ZBTB46: variants seen among roughly 807,000 people sequenced by gnomAD.
The protein encoded by ZBTB46 is zinc finger and BTB domain containing 46.
A neutral mutation model predicts 44.1 loss-of-function variants in ZBTB46; 8 were observed. The ratio of observed to expected loss-of-function variants is 0.18; its 90% confidence interval spans 0.11 to 0.33. The LOEUF is 0.33. ZBTB46 is among the 10% of genes least tolerant of loss of function. The pLI, the probability that ZBTB46 is intolerant of heterozygous loss-of-function variation, is 1.00. For synonymous variants in ZBTB46, 409 were observed against 382.3 expected (o/e 1.07, Z -0.81); for missense variants, 651 against 847.7 (o/e 0.77, Z 2.88).
At position 63,798,904 on chromosome 20, in the gene ZBTB46, C is replaced by T. The variant is rs182965683; in HGVS notation, c.-33-8114G>A. Among the ~76,000 whole-genome samples, 5 of 151,848 alleles carry T rather than the reference C, an allele frequency of 3.3e-5. No homozygotes were observed. In the East Asian group the frequency reaches 9.7e-4, roughly 29 times the overall value. ...ACCATTTTAAAGTGGAAGCAAGATA[C>T]CCTTGGCTCTAGAATCAAACTGCCA... On this transcript the variant is annotated intron_variant, in intron 1 of 4. Transcript: ENST00000245663.
intron 1 of ZBTB46, among the ~76,000 whole-genome samples, chr20:63,830,150 C>A (rs192859067): frequency 1.3e-5 from 2 of 152,320 alleles, no homozygotes; most frequent in Admixed American, 6.5e-5. Context: ...CTGGTCTGTA[C>A]CCTGGCTCCT....
chr20:63,802,059 C>G (rs1272435173), intron 1 of ZBTB46, among the ~76,000 whole-genome samples: 1 of 152,132 alleles, frequency 6.6e-6, no homozygotes, highest in African/African-American at 2.4e-5. Flanking sequence ...CATGTTGAAG[C>G]CCTAACCCCT....
At chr20:63,823,219 A>C (rs921053554) in intron 1 of ZBTB46, among the ~76,000 whole-genome samples, 1 of 151,896 alleles carries the variant, frequency 6.6e-6, no homozygotes, top group Non-Finnish European at 1.5e-5. Context: ...GGCCAGGCAC[A>C]GTGGCTCACT....
chr20:63,816,773 G>A (rs751860), intron 1 of ZBTB46, among the ~76,000 whole-genome samples: 27,262 of 152,026 alleles, frequency 0.18, 2,969 homozygotes, highest in East Asian at 0.45. Flanking sequence ...GGATTAGGGC[G>A]GGCCCTCACC....
At chr20:63,762,646 C>T (rs1031523600) in intron 3 of ZBTB46, among the ~76,000 whole-genome samples, 2 of 147,402 alleles carry the variant, frequency 1.4e-5, no homozygotes, top group African/African-American at 5.1e-5. Context: ...AGTGAGACTT[C>T]TCTCAAAAAA....
At chr20:63,749,520 T>G (rs868248675) in intron 4 of ZBTB46, among the ~76,000 whole-genome samples, 1 of 152,094 alleles carries the variant, frequency 6.6e-6, no homozygotes, top group Non-Finnish European at 1.5e-5. Context: ...GTATTTTTAG[T>G]AGAGACGGGG....
chr20:63,785,089 G>A (rs4425138), intron 2 of ZBTB46, among the ~76,000 whole-genome samples: 36,481 of 151,376 alleles, frequency 0.24, 4,475 homozygotes, highest in Middle Eastern at 0.37. Context: ...AAAATTAGCC[G>A]GGCGTGGTGG....
intron 3 of ZBTB46, among the ~76,000 whole-genome samples, chr20:63,759,258 T>C (rs143206591): frequency 1.0e-4 from 14 of 137,050 alleles, no homozygotes; most frequent in East Asian, 7.7e-4. Context: ...GTTTCGTACA[T>C]TGGCTGTATA....
rs149794835 is a variant in ZBTB46 at position 63,801,876 on chromosome 20, G to A, written c.-33-11086C>T. On this transcript the variant is annotated intron_variant, in intron 1 of 4. Transcript: ENST00000245663. ...CACCGGCAGCTCCACCCAAGAGTTC[G>A]AGCTCATCAGATTATGCTCGTTAAA... Among the ~76,000 whole-genome samples the A allele has an allele frequency of 9.2e-3, 1,402 of 152,302 alleles. 15 individuals are homozygous for A. The highest frequency in any genetic ancestry group is 0.016 in the Non-Finnish European group (1,080 of 68,032).
intron 1 of ZBTB46, among the ~76,000 whole-genome samples, chr20:63,821,328 T>G (rs748538839): frequency 6.6e-6 from 1 of 150,952 alleles, no homozygotes; most frequent in Admixed American, 6.6e-5. Flanking sequence ...CTATTATTAT[T>G]TTTTATTTTA....
At chr20:63,808,143 C>G (rs894725789) in intron 1 of ZBTB46, 2 of 153,076 alleles carry the variant, frequency 1.3e-5, no homozygotes, top group African/African-American at 4.8e-5. Context: ...GAGGAAACCC[C>G]GCGGACAGCG....
rs2092421365 is a variant in ZBTB46, at chr20:63,775,858, A to T, written c.1042T>A (p.Tyr348Asn). ...TCTGGGGTGAGGGGAGGGCCCAGAT[A>T]GCTGGCTTCTCCTCCCAGGAGACCC... Reference protein sequence around the residue: ...EEGLLGGEASYLGPPLTPEKD... With the variant: ...EEGLLGGEASNLGPPLTPEKD... Residue 348 changes from tyrosine (Y) to asparagine (N), a missense_variant, in exon 3 of 5, where the codon TAT (tyrosine) becomes AAT (asparagine). Physicochemically the swap from Tyr to Asn is moderately radical, Grantham distance 143 (BLOSUM62 -2). Transcript: ENST00000245663. 1.9e-6 allele frequency: 3 copies of T among 1,613,234 alleles called. No individual in the cohort carries two copies. Among genetic ancestry groups the T allele is most frequent in the Non-Finnish European group, 2.5e-6 (3 of 1,179,972 alleles).
At position 63,831,178 on chromosome 20, in the gene ZBTB46, G is replaced by T. The variant is rs1369700249; in HGVS notation, c.-115C>A. The T allele has an allele frequency of 7.0e-6, 1 of 143,084 alleles. No homozygotes were observed. The highest frequency in any genetic ancestry group is 2.5e-5 in the African/African-American group (1 of 39,878). The allele number at this position is 143,084 out of a possible 1,614,324, so 8.9% of individuals were successfully genotyped here. On this transcript the variant is annotated 5_prime_UTR_variant, in exon 1 of 5. Coordinates refer to ENST00000245663, the MANE Select transcript of ZBTB46 (RefSeq NM_001369741.1). The stretch of plus-strand genomic sequence containing the variant: ...GGTGATCGCCGCCGCCGCCGGGAGG[G>T]CGCTGCGTCCGGGCGGGTCCGAGCT...
At chr20:63,759,382 A>ATTTCTT (rs1332897656) in intron 3 of ZBTB46, among the ~76,000 whole-genome samples, 2 of 151,710 alleles carry the variant, frequency 1.3e-5, no homozygotes, top group Non-Finnish European at 2.9e-5. Flanking sequence ...CCTTCCATTC[A>ATTTCTT]TTTCTTTTTC....
chr20:63,780,901 C>T (rs1186188187), intron 2 of ZBTB46, among the ~76,000 whole-genome samples: 2 of 149,890 alleles, frequency 1.3e-5, no homozygotes, highest in Non-Finnish European at 3.0e-5. Flanking sequence ...GAGGCCAAGG[C>T]GGGTGGATCA....
intron 1 of ZBTB46, among the ~76,000 whole-genome samples, chr20:63,823,175 C>A (rs4809364): frequency 0.19 from 27,919 of 150,446 alleles, 3,160 homozygotes; most frequent in East Asian, 0.46. Flanking sequence ...CTCAAAAATA[C>A]ATACATAAAA....
chr20:63,779,004 G>A (rs2092447112), intron 2 of ZBTB46, among the ~76,000 whole-genome samples: 1 of 152,090 alleles, frequency 6.6e-6, no homozygotes, highest in African/African-American at 2.4e-5. Flanking sequence ...GGTGAGCCCT[G>A]GGGGCCCCTC....
At chr20:63,755,224 C>T (rs1046095379) in intron 3 of ZBTB46, among the ~76,000 whole-genome samples, 4 of 152,218 alleles carry the variant, frequency 2.6e-5, no homozygotes, top group Non-Finnish European at 4.4e-5. Context: ...CTCTGTTTTC[C>T]GGTCACTACC....
intron 3 of ZBTB46, among the ~76,000 whole-genome samples, chr20:63,758,978 C>T (rs1044517735): frequency 5.3e-5 from 8 of 152,186 alleles, no homozygotes; most frequent in Non-Finnish European, 8.8e-5. Context: ...GTGATCCGGC[C>T]GCCTCGGCCT....
Sources: gnomAD v4.1 joint callset for allele counts (sites outside exome capture counted in the v4.1 genomes callset) on GRCh38, gnomAD v4.1.1 for gene constraint, MANE v1.5 for transcripts, NCBI Gene and HGNC (gene_info 2026-07-23, HGNC 2026-07-21) for gene names.